Variants in ADAM23 observed in about 807,000 individuals in gnomAD.
The protein encoded by ADAM23 is ADAM metallopeptidase domain 23.
Under a neutral mutation model 120.1 loss-of-function variants are expected in ADAM23, and 33 were observed. The observed-to-expected ratio is 0.27, with a 90% CI of 0.21 to 0.37. ADAM23 has a LOEUF of 0.37. ADAM23 is among the 10% of genes least tolerant of loss of function. The pLI, the probability that ADAM23 is intolerant of heterozygous loss-of-function variation, is 1.00. For missense variants in ADAM23, 862 were observed against 1,058.2 expected (o/e 0.81, Z 2.57); for synonymous variants, 367 against 375.2 (o/e 0.98, Z 0.25).
intron 24 of ADAM23, among the ~76,000 whole-genome samples, chr2:206,600,975 C>G (rs927906383): frequency 6.6e-6 from 1 of 152,148 alleles, no homozygotes; most frequent in Non-Finnish European, 1.5e-5. Flanking sequence ...GTCCTTCTCT[C>G]AACTTGTTTC....
At chr2:206,473,303 G>A (rs536031147) in intron 2 of ADAM23, among the ~76,000 whole-genome samples, 19 of 152,008 alleles carry the variant, frequency 1.2e-4, no homozygotes, top group South Asian at 1.0e-3. Context: ...CTTTAAATGC[G>A]GAGAAAGTCT....
At chr2:206,611,515 T>G (rs1698827251) in intron 25 of ADAM23, among the ~76,000 whole-genome samples, 1 of 152,218 alleles carries the variant, frequency 6.6e-6, no homozygotes, top group African/African-American at 2.4e-5. Flanking sequence ...TAATGCTTCC[T>G]TGAACTTTTT....
chr2:206,483,499 C>T (rs1388544095), intron 3 of ADAM23, among the ~76,000 whole-genome samples: 1 of 151,412 alleles, frequency 6.6e-6, no homozygotes, highest in Admixed American at 6.6e-5. Context: ...ATGAGGTTAC[C>T]GAGGGAGGGT....
Position 206,443,979 on chromosome 2 carries a change from C to G in ADAM23, c.113C>G (p.Pro38Arg). 7.3e-7 allele frequency: 1 copy of G among 1,372,456 alleles called. No individual in the cohort carries two copies. Among genetic ancestry groups the G allele is most frequent in the Non-Finnish European group, 9.4e-7 (1 of 1,059,144 alleles). The allele number at this position is 1,372,456 out of a possible 1,614,324, so 85.0% of individuals were successfully genotyped here. Residue 38 changes from proline (P) to arginine (R), a missense_variant, in exon 1 of 26, where the codon CCG (proline) becomes CGG (arginine). This residue lies in a region of ADAM23 where 225 missense variants were observed against 204.0 expected (regional missense o/e 1.10). Transcript: ENST00000264377. ...GPAGSVPASA[P>R]ARTPPCRLLL... ...GCCGGCTCGGTGCCTGCCAGCGCCC[C>G]GGCCCGCACGCCGCCCTGCCGCCTG...
chr2:206,570,828 T>C lies in ADAM23; in HGVS notation c.1566+17T>C. Reference sequence around the variant, plus strand: ...TTTCATGTGGTAGGTATAAGAAACCTTCTATACTTACAGCACAGATCTTAC... The same window carrying C: ...TTTCATGTGGTAGGTATAAGAAACCCTCTATACTTACAGCACAGATCTTAC... On this transcript the variant is annotated intron_variant, in intron 16 of 25. Transcript: ENST00000264377. 1.2e-6 allele frequency: 2 copies of C among 1,603,976 alleles called. No homozygotes were observed. The highest frequency in any genetic ancestry group is 1.7e-4 in the Middle Eastern group (1 of 6,028).
chr2:206,604,327 G>A (rs989228084), intron 24 of ADAM23, among the ~76,000 whole-genome samples: 2 of 152,096 alleles, frequency 1.3e-5, no homozygotes, highest in Non-Finnish European at 2.9e-5. Context: ...TTAGTATTCT[G>A]AAAGCAAGGG....
chr2:206,605,272 G>A (rs1011469909), intron 24 of ADAM23, among the ~76,000 whole-genome samples: 2 of 152,100 alleles, frequency 1.3e-5, no homozygotes, highest in East Asian at 1.9e-4. Flanking sequence ...TCTGAAATAC[G>A]CTTTTCAATA....
intron 2 of ADAM23, among the ~76,000 whole-genome samples, chr2:206,449,100 G>A (rs1341453071): frequency 2.0e-5 from 3 of 152,178 alleles, no homozygotes; most frequent in Non-Finnish European, 4.4e-5. Context: ...GGACATCGAG[G>A]TGGTATGTGA....
intron 2 of ADAM23, among the ~76,000 whole-genome samples, chr2:206,447,789 G>T (rs1224152813): frequency 6.6e-6 from 1 of 152,094 alleles, no homozygotes; most frequent in Non-Finnish European, 1.5e-5. Context: ...TTGCACTGAA[G>T]CACATTTTAA....
chr2:206,568,980 C>T (rs1477447375), intron 15 of ADAM23, among the ~76,000 whole-genome samples: 1 of 152,136 alleles, frequency 6.6e-6, no homozygotes, highest in Non-Finnish European at 1.5e-5. Context: ...AGTGACCTTG[C>T]GTCGTGAAAG....
Position 206,593,981 on chromosome 2 carries a change from C to G in ADAM23, c.2079-756C>G, listed in dbSNP as rs1481639851. Among the ~76,000 whole-genome samples the G allele has an allele frequency of 2.0e-5, 3 of 151,190 alleles. No homozygotes were observed. The East Asian group carries it at 6.0e-4, about 30-fold the overall frequency. Reference sequence around the variant, plus strand: ...ATAGAAAAGTCATACTGCCCCTTTTCTATGTTTAGATACGTTTAGATAGGC... The same window carrying G: ...ATAGAAAAGTCATACTGCCCCTTTTGTATGTTTAGATACGTTTAGATAGGC... On this transcript the variant is annotated intron_variant, in intron 22 of 25. Coordinates refer to ENST00000264377, the MANE Select transcript of ADAM23 (RefSeq NM_003812.4).
intron 18 of ADAM23, among the ~76,000 whole-genome samples, chr2:206,586,995 A>G (rs949368368): frequency 9.2e-5 from 14 of 152,290 alleles, no homozygotes; most frequent in Admixed American, 3.9e-4. Context: ...TGACCGTTCT[A>G]TGTACCAAGC....
At position 206,549,232 on chromosome 2, in the gene ADAM23, TA is replaced by T. The variant is rs1181113977; in HGVS notation, c.868-862del. On this transcript the variant is annotated intron_variant, in intron 8 of 25. Coordinates refer to ENST00000264377, the MANE Select transcript of ADAM23 (RefSeq NM_003812.4). Reference sequence around the variant, plus strand: ...TTCCAGTTTAAATTTTCCTCCCTTTTATGAAACTCTTATGATAATTATGGAT... The same window carrying T: ...TTCCAGTTTAAATTTTCCTCCCTTTTTGAAACTCTTATGATAATTATGGAT... 2.6e-5 allele frequency among the ~76,000 whole-genome samples: 4 copies of T among 151,506 alleles called. No individual in the cohort carries two copies. In the South Asian group the frequency reaches 8.3e-4, roughly 31 times the overall value.
chr2:206,512,778 G>A (rs1921664), intron 3 of ADAM23, among the ~76,000 whole-genome samples: 27,114 of 152,160 alleles, frequency 0.18, 2,779 homozygotes, highest in African/African-American at 0.28. Flanking sequence ...CTAACAAGTT[G>A]AAGGTTTTTG....
At chr2:206,553,870 C>T (rs3770976) in intron 9 of ADAM23, among the ~76,000 whole-genome samples, 21,901 of 152,016 alleles carry the variant, frequency 0.14, 1,697 homozygotes, top group Admixed American at 0.21. Flanking sequence ...TTATACTATA[C>T]GATCCAGAAT....
chr2:206,536,399 T>A (rs72937510), intron 4 of ADAM23, among the ~76,000 whole-genome samples: 23,402 of 150,374 alleles, frequency 0.16, 1,927 homozygotes, highest in Admixed American at 0.22. Context: ...GCACCAACCT[T>A]ATAGAACAGT....
intron 3 of ADAM23, among the ~76,000 whole-genome samples, chr2:206,495,026 G>T (rs1048868917): frequency 5.3e-5 from 8 of 152,190 alleles, no homozygotes; most frequent in African/African-American, 1.9e-4. Flanking sequence ...CGTCTAATTG[G>T]TGTACCTGAA....
intron 2 of ADAM23, among the ~76,000 whole-genome samples, chr2:206,462,932 AGACG>A (rs1234299651): frequency 1.3e-5 from 2 of 152,186 alleles, no homozygotes; most frequent in African/African-American, 4.8e-5. Flanking sequence ...GCTCTCTGGA[AGACG>A]GACTGGATGG....
intron 21 of ADAM23, among the ~76,000 whole-genome samples, chr2:206,591,281 A>G (rs1397525665): frequency 2.0e-5 from 3 of 152,228 alleles, no homozygotes; most frequent in Non-Finnish European, 4.4e-5. Flanking sequence ...GGGTCAAGAA[A>G]TAAAACATTG....
Sources: gnomAD v4.1 joint callset for allele counts (sites outside exome capture counted in the v4.1 genomes callset) on GRCh38, gnomAD v4.1.1 for gene constraint, gnomAD v4.1.1 regional missense constraint, MANE v1.5 for transcripts, NCBI Gene and HGNC (gene_info 2026-07-23, HGNC 2026-07-21) for gene names.